BTBD7: variants seen among roughly 807,000 people sequenced by gnomAD.
BTBD7 encodes the protein BTB domain containing 7.
A neutral mutation model predicts 99.9 loss-of-function variants in BTBD7; 38 were observed. The ratio of observed to expected loss-of-function variants is 0.38; its 90% CI spans 0.29 to 0.50. BTBD7 has a LOEUF of 0.50. BTBD7 is among the 20% of genes least tolerant of loss of function. The pLI, the probability that BTBD7 is intolerant of heterozygous loss-of-function variation, is 0.93. For synonymous variants in BTBD7, 520 were observed against 511.4 expected, an observed-to-expected ratio of 1.02 and a Z score of -0.23; for missense variants, 1,170 against 1,394.6, an observed-to-expected ratio of 0.84 and a Z score of 2.57.
chr14:93,273,004 C>G (rs733560), intron 3 of BTBD7, among the ~76,000 whole-genome samples: 60,212 of 151,804 alleles, frequency 0.4, 13,294 homozygotes, highest in African/African-American at 0.61. Flanking sequence ...TTTCGGCATG[C>G]ACTGTGGGGA....
chr14:93,313,492 C>T (rs1329661891), intron 1 of BTBD7, among the ~76,000 whole-genome samples: 6 of 152,014 alleles, frequency 3.9e-5, no homozygotes, highest in Admixed American at 2.6e-4. Context: ...CTTTTTTCCC[C>T]ATTAAAAATG....
Position 93,240,126 on chromosome 14 carries a change from A to G in BTBD7, c.*2147T>C, listed in dbSNP as rs2052206945. 1 of 152,282 alleles carries G rather than the reference A, an allele frequency of 6.6e-6. No homozygotes were observed. 9.4% of individuals were successfully genotyped at this position (152,282 alleles called of 1,614,324 possible). ...ACAGAGGCCTATGCTTTTCTCTTTA[A>G]AAAAGGAGCCTCGAATGCGATGCAC... is the stretch of plus-strand genomic sequence containing the variant. On this transcript the variant is annotated 3_prime_UTR_variant, in exon 11 of 11. Coordinates refer to ENST00000334746, the MANE Select transcript of BTBD7 (RefSeq NM_001002860.4).
chr14:93,280,915 T>C (rs533816304), intron 3 of BTBD7, among the ~76,000 whole-genome samples: 2 of 151,792 alleles, frequency 1.3e-5, no homozygotes, highest in East Asian at 3.9e-4. Context: ...CACTGTAGCC[T>C]TGACCTCGGT....
rs150800019 is a variant in BTBD7 at position 93,269,837 on chromosome 14, G to A, written c.1163-5844C>T. 3.1e-3 allele frequency among the ~76,000 whole-genome samples: 475 copies of A among 152,098 alleles called. 2 individuals are homozygous for A. Among genetic ancestry groups the A allele is most frequent in the Middle Eastern group, 0.014 (4 of 294 alleles). ...GGCTTGCCTTCTTCCCTCCTACCACGTGAAAAGTATGCTGTGACTAGCTTA... is the reference window on the plus strand; with the variant it reads ...GGCTTGCCTTCTTCCCTCCTACCACATGAAAAGTATGCTGTGACTAGCTTA... On this transcript the variant is annotated intron_variant, in intron 3 of 10. Transcript: ENST00000334746.
chr14:93,319,264 T>A (rs532130479), intron 1 of BTBD7, among the ~76,000 whole-genome samples: 2 of 152,302 alleles, frequency 1.3e-5, no homozygotes, highest in Middle Eastern at 3.4e-3. Context: ...TCTGCTCTGG[T>A]CCTTGCAGGA....
At chr14:93,289,753 G>A (rs2052824074) in intron 3 of BTBD7, among the ~76,000 whole-genome samples, 5 of 151,596 alleles carry the variant, frequency 3.3e-5, no homozygotes, top group Admixed American at 6.6e-5. Context: ...AGGCCTGTAA[G>A]TTGAGGCCGT....
intron 3 of BTBD7, among the ~76,000 whole-genome samples, chr14:93,280,551 G>C (rs914606043): frequency 2.0e-5 from 3 of 152,054 alleles, no homozygotes. Flanking sequence ...ACATTTATCA[G>C]AAGTTTTATA....
intron 1 of BTBD7, among the ~76,000 whole-genome samples, chr14:93,325,565 G>A (rs563588994): frequency 6.6e-6 from 1 of 152,334 alleles, no homozygotes; most frequent in South Asian, 2.1e-4. Flanking sequence ...AGTGGCAATA[G>A]AGAGGGGAAC....
rs1566861678 is a variant in BTBD7 at position 93,311,744 on chromosome 14, A to AT, written c.-106-15588_-106-15587insA. Among the ~76,000 whole-genome samples the AT allele has an allele frequency of 1.5e-3, 198 of 131,488 alleles. 2 individuals are homozygous for AT. The highest frequency in any genetic ancestry group is 2.4e-3 in the Admixed American group (33 of 13,486). 86.3% of individuals were successfully genotyped at this position (131,488 alleles called of 152,430 possible). A position where few individuals can be genotyped will look rare whatever the true frequency, so the allele number is the denominator to read the frequency against. ...CAATATGATCCATGAAAATATTTTT[A>AT]ATTTTTTTTTTTTTTTACAATTCTT... On this transcript the variant is annotated intron_variant, in intron 1 of 10. Transcript: ENST00000334746.
intron 1 of BTBD7, among the ~76,000 whole-genome samples, chr14:93,298,025 C>A (rs1430817867): frequency 6.6e-6 from 1 of 151,830 alleles, no homozygotes; most frequent in Non-Finnish European, 1.5e-5. Context: ...CCTCTTTGCA[C>A]TTTCAAGTTC....
intron 1 of BTBD7, among the ~76,000 whole-genome samples, chr14:93,330,774 G>A (rs1016800823): frequency 2.0e-5 from 3 of 152,138 alleles, no homozygotes; most frequent in Non-Finnish European, 1.5e-5. Flanking sequence ...AATAACTTTG[G>A]CATTACTGCA....
rs770507280 is a variant in BTBD7, at chr14:93,295,961, G to C, written c.82+9C>G. On this transcript the variant is annotated intron_variant, in intron 2 of 10. Transcript: ENST00000334746. The stretch of plus-strand genomic sequence containing the variant: ...AAAAGAAAATGAAGTTAGAAAAACT[G>C]AAAGTTACCTATAAAAGTCTGTTGG... 6.2e-7 allele frequency: 1 copy of C among 1,613,424 alleles called. No individual in the cohort carries two copies. The highest frequency in any genetic ancestry group is 1.1e-5 in the South Asian group (1 of 91,020).
In BTBD7 at chr14:93,315,207, G is replaced by T. The variant is rs143079223; in HGVS notation, c.-107+17613C>A. Among the ~76,000 whole-genome samples, 221 of 152,244 alleles carry T rather than the reference G, an allele frequency of 1.5e-3. 2 individuals carry two copies. Among genetic ancestry groups the T allele is most frequent in the Middle Eastern group, 0.01 (3 of 294 alleles). ...GTAATCTCCAAATTAGAGTATGTGGGTAAATATTCTTCTATTAAGGAGGAA... is the reference window on the plus strand; with the variant it reads ...GTAATCTCCAAATTAGAGTATGTGGTTAAATATTCTTCTATTAAGGAGGAA... On this transcript the variant is annotated intron_variant, in intron 1 of 10. Transcript: ENST00000334746.
Position 93,239,264 on chromosome 14 carries a change from C to G in BTBD7, c.*3009G>C, listed in dbSNP as rs1034088405. On this transcript the variant is annotated 3_prime_UTR_variant, in exon 11 of 11. Coordinates refer to ENST00000334746, the MANE Select transcript of BTBD7 (RefSeq NM_001002860.4). ...AACTTGAACGTCCTCTCGGCTCTAG[C>G]GTGTAAACGGTAGGTCTCTAACCTC... is the stretch of plus-strand genomic sequence containing the variant. The G allele has an allele frequency of 6.6e-6, 1 of 152,550 alleles. No homozygotes were observed. Among genetic ancestry groups the G allele is most frequent in the African/African-American group, 2.4e-5 (1 of 41,422 alleles). The allele number at this position is 152,550 out of a possible 1,614,324, so 9.4% of individuals were successfully genotyped here.
At chr14:93,295,054 G>T in intron 2 of BTBD7, 117 bp from the exon 3 acceptor site, 4 of 1,000,868 alleles carry the variant, frequency 4.0e-6, no homozygotes, top group South Asian at 4.0e-5. Context: ...ACTCAAAATT[G>T]CATTTGTTTT....
chr14:93,300,707 TGTGTGTGTGTGTGTGTGTG>T (rs1566856908), intron 1 of BTBD7, among the ~76,000 whole-genome samples: 1 of 2,102 alleles, frequency 4.8e-4, no homozygotes, highest in African/African-American at 2.9e-3. Flanking sequence ...AGCTAATTTG[TGTGTGTGTGTGTGTGTGTG>T]TGTGTGTGTG....
chr14:93,313,074 T>C (rs2053156886), intron 1 of BTBD7, among the ~76,000 whole-genome samples: 2 of 152,206 alleles, frequency 1.3e-5, no homozygotes, highest in South Asian at 4.1e-4. Flanking sequence ...TATTCTGCAG[T>C]AAAATATACT....
chr14:93,245,910 A>C lies in BTBD7; in HGVS notation c.2498T>G (p.Leu833Arg). The stretch of plus-strand genomic sequence containing the variant: ...AGCAGCAGCCACCGTCTGTCTGCCC[A>C]GTCCTGCAGTGCTGGTACAATCAGG... Reference protein sequence around the residue: ...APPDCTSTAGLGRQTVAAAAA... With the variant: ...APPDCTSTAGRGRQTVAAAAA... The change falls in exon 10 of 11, where the codon CTG (leucine) becomes CGG (arginine). Residue 833 changes from leucine (L) to arginine (R), a missense_variant. Transcript: ENST00000334746. 1.9e-6 allele frequency: 3 copies of C among 1,614,150 alleles called. No homozygotes were observed. The highest frequency in any genetic ancestry group is 2.5e-6 in the Non-Finnish European group (3 of 1,180,016).
At chr14:93,324,421 CAA>C (rs768532376) in intron 1 of BTBD7, among the ~76,000 whole-genome samples, 22 of 89,832 alleles carry the variant, frequency 2.4e-4, no homozygotes, top group Admixed American at 5.0e-4. Flanking sequence ...GACCCTGTCT[CAA>C]AAAAAAAAAA....
Sources: gnomAD v4.1 joint callset for allele counts (sites outside exome capture counted in the v4.1 genomes callset) on GRCh38, gnomAD v4.1.1 for gene constraint, MANE v1.5 for transcripts, NCBI Gene and HGNC (gene_info 2026-07-23, HGNC 2026-07-21) for gene names.